Variants in RABEPK observed in about 807,000 individuals in gnomAD.
RABEPK encodes 40 kDa Rab9 effector protein.
A neutral mutation model predicts 34.1 loss-of-function variants in RABEPK; 27 were observed. That is an observed-to-expected ratio of 0.79 (90% CI 0.58 to 1.09). The LOEUF is 1.09. Ranked by LOEUF, RABEPK falls within the 50% of genes least tolerant of loss-of-function variation. RABEPK has a pLI of 0.00. For synonymous variants in RABEPK, 172 were observed against 169.2 expected (o/e 1.02, Z -0.13); for missense variants, 449 against 462.6 (o/e 0.97, Z 0.27).
chr9:125,207,695 T>C lies in RABEPK; in HGVS notation c.185T>C (p.Phe62Ser). The C allele has an allele frequency of 6.2e-7, 1 of 1,614,102 alleles. No individual in the cohort carries two copies. The highest frequency in any genetic ancestry group is 8.5e-7 in the Non-Finnish European group (1 of 1,180,002). The change falls in exon 3 of 8, where the codon TTC becomes TCC. Residue 62 changes from phenylalanine (F) to serine (S), a missense_variant. By Grantham distance (155) the Phe-to-Ser change is radical. Transcript: ENST00000373538. ...GGGGGAGCAAATCCAAACAGAAGCT[T>C]CTCAGACGTGCACACCATGGATCTG... ...IVGGANPNRS[F>S]SDVHTMDLGK...
chr9:125,208,184 G>C (rs1830358723), intron 3 of RABEPK, among the ~76,000 whole-genome samples: 1 of 152,068 alleles, frequency 6.6e-6, no homozygotes, highest in South Asian at 2.1e-4. Flanking sequence ...AGGTTTCTTA[G>C]TAGGCCCCTG....
chr9:125,231,250 C>T (rs1310165159), intron 6 of RABEPK, among the ~76,000 whole-genome samples: 2 of 151,898 alleles, frequency 1.3e-5, no homozygotes, highest in South Asian at 4.2e-4. Context: ...GCTGAGATCG[C>T]GCCACTGCAC....
intron 2 of RABEPK, among the ~76,000 whole-genome samples, chr9:125,205,240 T>C (rs926276551): frequency 3.3e-5 from 5 of 152,190 alleles, no homozygotes; most frequent in African/African-American, 9.7e-5. Context: ...TCCTAAGACA[T>C]GCATGTCCTC....
At chr9:125,202,703 G>A (rs1190870703) in intron 1 of RABEPK, among the ~76,000 whole-genome samples, 1 of 151,946 alleles carries the variant, frequency 6.6e-6, no homozygotes, top group African/African-American at 2.4e-5. Context: ...AGTGGCACAT[G>A]CCTGTAATCC....
At chr9:125,224,372 T>A (rs555297294) in intron 5 of RABEPK, among the ~76,000 whole-genome samples, 21 of 152,092 alleles carry the variant, frequency 1.4e-4, no homozygotes, top group Admixed American at 3.3e-4. Context: ...AACTCTCATG[T>A]ATTGGGTACT....
chr9:125,216,680 C>T (rs920269075), intron 4 of RABEPK, among the ~76,000 whole-genome samples: 9 of 151,860 alleles, frequency 5.9e-5, no homozygotes, highest in Non-Finnish European at 1.2e-4. Flanking sequence ...AAAGTAGACA[C>T]GGCCGGGCAT....
Position 125,234,087 on chromosome 9 carries a change from T to C in RABEPK, c.*107T>C, listed in dbSNP as rs1832421721. The C allele has an allele frequency of 1.4e-5, 17 of 1,186,378 alleles. No homozygotes were observed. The South Asian group carries it at 2.5e-4, about 18-fold the overall frequency. The allele number at this position is 1,186,378 out of a possible 1,614,324, so 73.5% of individuals were successfully genotyped here. A position where few individuals can be genotyped will look rare whatever the true frequency, so the allele number is the denominator to read the frequency against. On this transcript the variant is annotated 3_prime_UTR_variant, in exon 8 of 8. Transcript: ENST00000373538. ...CTTCTGCATTATATATCTGTTTTTC[T>C]CCTACTTTGGTAGGTGAAGAAACTA...
At chr9:125,223,391 G>A (rs1831497328) in intron 5 of RABEPK, among the ~76,000 whole-genome samples, 1 of 152,102 alleles carries the variant, frequency 6.6e-6, no homozygotes, top group Non-Finnish European at 1.5e-5. Context: ...GGGAGGTGGA[G>A]GTAGCAGTGA....
Position 125,233,849 on chromosome 9 carries a change from G to A in RABEPK, c.988G>A (p.Asp330Asn). 1 of 1,614,168 alleles carries A rather than the reference G, an allele frequency of 6.2e-7. No homozygotes were observed. ...TGAAGCTGAGAAAGAGGATTCAGCT[G>A]ACAAAGTAATGAGCCACAGTGGTGA... ...NHEAEKEDSA[D>N]KVMSHSGDSH... The change falls in exon 8 of 8, where the codon GAC becomes AAC. Residue 330 changes from aspartate to asparagine, a missense_variant. Physicochemically the swap from Asp to Asn is conservative, Grantham distance 23 (BLOSUM62 1). Transcript: ENST00000373538.
intron 6 of RABEPK, among the ~76,000 whole-genome samples, chr9:125,231,645 A>T (rs894730896): frequency 1.3e-5 from 2 of 151,926 alleles, no homozygotes; most frequent in African/African-American, 4.8e-5. Flanking sequence ...TACTAAAAAT[A>T]CAAAAAATTA....
intron 6 of RABEPK, 102 bp downstream of exon 6, chr9:125,228,161 G>A: frequency 9.4e-7 from 1 of 1,068,104 alleles, no homozygotes; most frequent in Non-Finnish European, 1.2e-6. Context: ...GGAGTGCGGT[G>A]GCATGATCTC....
At chr9:125,223,601 C>T (rs533018695) in intron 5 of RABEPK, among the ~76,000 whole-genome samples, 2 of 151,982 alleles carry the variant, frequency 1.3e-5, no homozygotes, top group South Asian at 2.1e-4. Context: ...TATGCTGACT[C>T]ATGCCTATAA....
chr9:125,232,936 C>T (rs1377710357), intron 7 of RABEPK, among the ~76,000 whole-genome samples, 191 bp downstream of exon 7: 4 of 151,860 alleles, frequency 2.6e-5, no homozygotes, highest in Admixed American at 6.6e-5. Flanking sequence ...ATTAGCCAGG[C>T]GTGGTGGCGG....
intron 4 of RABEPK, among the ~76,000 whole-genome samples, chr9:125,215,848 C>T (rs1014678673): frequency 3.3e-5 from 5 of 152,288 alleles, no homozygotes; most frequent in African/African-American, 9.6e-5. Context: ...GGTTTTGATA[C>T]ATACTACCAA....
chr9:125,225,854 T>A (rs1831698311), intron 5 of RABEPK, among the ~76,000 whole-genome samples: 1 of 151,680 alleles, frequency 6.6e-6, no homozygotes, highest in Non-Finnish European at 1.5e-5. Context: ...TCCCAGCTAC[T>A]TGGGAGGCTG....
intron 5 of RABEPK, 98 bp from the exon 6 acceptor site, chr9:125,227,812 G>C: frequency 8.1e-7 from 1 of 1,229,432 alleles, no homozygotes. Context: ...GCATGGGACA[G>C]CTCCGCTTGC....
rs1199302077 is a variant in RABEPK, at chr9:125,233,852, AAAGT to A, written c.994_997del (p.Val332Ter). ...AGCTGAGAAAGAGGATTCAGCTGAC[AAAGT>A]AATGAGCCACAGTGGTGACTCACAT... On this transcript the variant is annotated frameshift_variant, in exon 8 of 8. Transcript: ENST00000373538. LOFTEE classifies it high-confidence loss of function. 1.9e-6 allele frequency: 3 copies of A among 1,614,184 alleles called. No homozygotes were observed. Among genetic ancestry groups the A allele is most frequent in the Non-Finnish European group, 2.5e-6 (3 of 1,180,028 alleles).
intron 7 of RABEPK, 120 bp downstream of exon 7, chr9:125,232,865 CA>C: frequency 9.7e-7 from 1 of 1,034,964 alleles, no homozygotes. Context: ...ATCACGAGGT[CA>C]GGAGATCGAG....
At chr9:125,231,517 G>A (rs557694449) in intron 6 of RABEPK, among the ~76,000 whole-genome samples, 1 of 151,788 alleles carries the variant, frequency 6.6e-6, no homozygotes, top group Non-Finnish European at 1.5e-5. Flanking sequence ...GAAAGGGGAG[G>A]CCAGGCACCA....
Sources: gnomAD v4.1 joint callset for allele counts (sites outside exome capture counted in the v4.1 genomes callset) on GRCh38, gnomAD v4.1.1 for gene constraint, MANE v1.5 for transcripts, NCBI Gene and HGNC (gene_info 2026-07-23, HGNC 2026-07-21) for gene names.